The following SLFN12L variants were observed in gnomAD, a reference collection of about 807,000 sequenced individuals.
SLFN12L encodes schlafen family member 12 like, also known as schlafen family member 12-like.
SLFN12L carries 34 observed loss-of-function variants against 34.8 expected under a neutral mutation model. The ratio of observed to expected loss-of-function variants is 0.98; its 90% CI spans 0.74 to 1.30. The LOEUF (loss-of-function observed/expected upper bound fraction) is 1.30, where lower values mean the gene tolerates loss of function less well. Among genes scored for constraint, SLFN12L ranks in the 50% most tolerant of loss-of-function variants. SLFN12L has a pLI of 0.00. For synonymous variants in SLFN12L, 259 were observed against 247.5 expected, an observed-to-expected ratio of 1.05 and a Z score of -0.44; for missense variants, 703 against 696.2, an observed-to-expected ratio of 1.01 and a Z score of -0.11.
At chr17:35,481,504 C>T (rs1040417385) in intron 2 of SLFN12L, among the ~76,000 whole-genome samples, 20 of 152,234 alleles carry the variant, frequency 1.3e-4, no homozygotes, top group Admixed American at 2.6e-4. Context: ...TGGCATAAGC[C>T]GTGCTCTCTG....
chr17:35,495,944 C>CACA (rs1915052293), intron 2 of SLFN12L, among the ~76,000 whole-genome samples: 1 of 133,860 alleles, frequency 7.5e-6, no homozygotes, highest in Non-Finnish European at 1.6e-5. Context: ...CACACACACA[C>CACA]ACAACAAAAC....
chr17:35,504,313 T>C (rs1360653937), intron 2 of SLFN12L, among the ~76,000 whole-genome samples: 1 of 152,196 alleles, frequency 6.6e-6, no homozygotes, highest in African/African-American at 2.4e-5. Context: ...GTTGGTCCAA[T>C]GTTCTGTGGA....
Position 35,486,500 on chromosome 17 carries a change from G to A in SLFN12L, c.87-6305C>T, listed in dbSNP as rs544482867. Among the ~76,000 whole-genome samples the A allele has an allele frequency of 3.3e-5, 5 of 152,122 alleles. No individual in the cohort carries two copies. In the South Asian group the frequency reaches 8.3e-4, roughly 25 times the overall value. On this transcript the variant is annotated intron_variant, in intron 2 of 4. Transcript: ENST00000628453. ...CACTTGTGGACTAGCCTGGGATCCT[G>A]GCCACCCGAGTCCAACACCTGCAGC...
At position 35,490,215 on chromosome 17, in the gene SLFN12L, C is replaced by T; in HGVS notation, c.87-10020G>A. 3 of 1,581,994 alleles carry T rather than the reference C, an allele frequency of 1.9e-6. No homozygotes were observed. In the Admixed American group the frequency reaches 5.0e-5, roughly 27 times the overall value. On this transcript the variant is annotated intron_variant, in intron 2 of 4. Transcript: ENST00000628453. The stretch of plus-strand genomic sequence containing the variant: ...GGACGAGGCGGCAGTGGCCCTCTGG[C>T]AAAGTGAAGTCTGGAGCTAGGAGAA...
chr17:35,518,469 T>C (rs1458676399), intron 2 of SLFN12L, among the ~76,000 whole-genome samples: 1 of 151,290 alleles, frequency 6.6e-6, no homozygotes, highest in Non-Finnish European at 1.5e-5. Flanking sequence ...GAGAATTGCT[T>C]GAAGCCAGGA....
chr17:35,480,731 C>T (rs898008312), intron 2 of SLFN12L, among the ~76,000 whole-genome samples: 2 of 152,060 alleles, frequency 1.3e-5, no homozygotes, highest in East Asian at 3.9e-4. Context: ...GAATTAGATT[C>T]ACAAATTTTG....
rs758458386 is a variant in SLFN12L, at chr17:35,522,419, T to C, written c.-55A>G. The C allele has an allele frequency of 1.3e-4, 216 of 1,614,134 alleles. 1 individual carries two copies. The Middle Eastern group carries it at 2.8e-3, about 21-fold the overall frequency. On this transcript the variant is annotated 5_prime_UTR_variant, in exon 2 of 5. Coordinates refer to ENST00000628453, the MANE Select transcript of SLFN12L (RefSeq NM_001363830.2). ...AGCCAGGTAAGCCATGGACAAACAA[T>C]TCTCTGTTCTTGTGGAAGCTTCTGG...
chr17:35,496,225 T>C (rs955499606), intron 2 of SLFN12L, among the ~76,000 whole-genome samples: 23 of 152,010 alleles, frequency 1.5e-4, no homozygotes, highest in Non-Finnish European at 2.2e-4. Flanking sequence ...GGCTCACGCC[T>C]GTAATCCCGA....
At position 35,480,198 on chromosome 17, in the gene SLFN12L, G is replaced by C. The variant is rs780128450; in HGVS notation, c.87-3C>G. ...CATTTCCACGCAGAAATTCTTTTCT[G>C]TAAAATAGAGCCGTTAGAATAGGAG... is the stretch of plus-strand genomic sequence containing the variant. On this transcript the variant is annotated splice_polypyrimidine_tract_variant and splice_region_variant and intron_variant, in intron 2 of 4. Coordinates refer to ENST00000628453, the MANE Select transcript of SLFN12L (RefSeq NM_001363830.2). The C allele has an allele frequency of 1.3e-6, 2 of 1,563,168 alleles. No individual in the cohort carries two copies. Among genetic ancestry groups the C allele is most frequent in the Admixed American group, 3.9e-5 (2 of 50,914 alleles).
rs377116767 is a variant in SLFN12L at position 35,479,317 on chromosome 17, T to A, written c.965A>T (p.Lys322Met). 5.4e-5 allele frequency: 86 copies of A among 1,585,752 alleles called. No homozygotes were observed. Among genetic ancestry groups the A allele is most frequent in the Non-Finnish European group, 6.9e-5 (80 of 1,164,398 alleles). Residue 322 changes from lysine (K) to methionine (M), a missense_variant, in exon 3 of 5, where the codon AAG becomes ATG. By Grantham distance (95) the Lys-to-Met change is moderately conservative. Coordinates refer to ENST00000628453, the MANE Select transcript of SLFN12L (RefSeq NM_001363830.2). ...TTTGCATAAGTAATTTATCGTCCCC[T>A]TCTCCACACAGAAGTGATGCACAGG... is the stretch of plus-strand genomic sequence containing the variant. Reference protein sequence around the residue: ...KLPVHHFCVEKGTINYLCKFL... With the variant: ...KLPVHHFCVEMGTINYLCKFL...
rs776423797 is a variant in SLFN12L, at chr17:35,478,073, A to G, written c.1276+2T>C. 39 of 1,520,050 alleles carry G rather than the reference A, an allele frequency of 2.6e-5. No homozygotes were observed. The Admixed American group carries it at 2.6e-4, about 10-fold the overall frequency. 94.2% of individuals were successfully genotyped at this position (1,520,050 alleles called of 1,614,324 possible). On this transcript the variant is annotated splice_donor_variant, in intron 4 of 4. Transcript: ENST00000628453. LOFTEE classifies it high-confidence loss of function. ...ACTCCACGGAAGCCAGAATTAAATT[A>G]CCTGGAAGGTGATATCTCAGTGGCT...
chr17:35,487,831 G>T, intron 2 of SLFN12L: 1 of 1,398,076 alleles, frequency 7.2e-7, no homozygotes. Flanking sequence ...TCGCTCAGCT[G>T]CATTTCTATC....
intron 2 of SLFN12L, chr17:35,514,827 G>A (rs1915762644): frequency 2.5e-6 from 1 of 396,892 alleles, no homozygotes; most frequent in South Asian, 2.0e-5. Context: ...ACTGGTAGGG[G>A]CTTTGTCAGA....
Position 35,471,477 on chromosome 17 carries a change from G to A in SLFN12L, c.*3446C>T, listed in dbSNP as rs1015710433. ...AGTAGAATGATTTACATTCCTTTGG[G>A]TATATACCCAGTAATGGGATTCCTG... On this transcript the variant is annotated 3_prime_UTR_variant, in exon 5 of 5. Coordinates refer to ENST00000628453, the MANE Select transcript of SLFN12L (RefSeq NM_001363830.2). Among the ~76,000 whole-genome samples the A allele has an allele frequency of 6.6e-6, 1 of 152,130 alleles. No homozygotes were observed. The highest frequency in any genetic ancestry group is 2.4e-5 in the African/African-American group (1 of 41,410).
At chr17:35,527,566 G>C (rs976430311) in intron 1 of SLFN12L, among the ~76,000 whole-genome samples, 1 of 152,110 alleles carries the variant, frequency 6.6e-6, no homozygotes, top group African/African-American at 2.4e-5. Context: ...ATCAATAAAC[G>C]TAATCCATCA....
chr17:35,464,896 A>G lies in SLFN12L; in HGVS notation c.*10027T>C, dbSNP rs1913697478. The stretch of plus-strand genomic sequence containing the variant: ...TCTGTTTTTTGCTTTTTTTAGAGAG[A>G]GATAAAGTCTTGCTCTGTCACCCAG... On this transcript the variant is annotated 3_prime_UTR_variant, in exon 5 of 5. Transcript: ENST00000628453. Among the ~76,000 whole-genome samples, 1 of 152,040 alleles carries G rather than the reference A, an allele frequency of 6.6e-6. No homozygotes were observed. Among genetic ancestry groups the G allele is most frequent in the Non-Finnish European group, 1.5e-5 (1 of 68,016 alleles).
At chr17:35,528,630 G>A (rs981942445) in intron 1 of SLFN12L, among the ~76,000 whole-genome samples, 1 of 152,148 alleles carries the variant, frequency 6.6e-6, no homozygotes, top group African/African-American at 2.4e-5. Flanking sequence ...TGGGAAAACT[G>A]GCTAGCCACA....
intron 2 of SLFN12L, among the ~76,000 whole-genome samples, chr17:35,496,010 G>C (rs576128077): frequency 4.6e-4 from 70 of 151,734 alleles, no homozygotes; most frequent in African/African-American, 1.7e-3. Context: ...TCCCCACCAG[G>C]AAACCGAGAC....
In SLFN12L at chr17:35,465,297, A is replaced by G. The variant is rs962382321; in HGVS notation, c.*9626T>C. On this transcript the variant is annotated 3_prime_UTR_variant, in exon 5 of 5. Transcript: ENST00000628453. Reference sequence around the variant, plus strand: ...GCCTGAGGTTCCAACAAATTTAAACATTGTACCCCATATAATTTTAAAAGG... The same window carrying G: ...GCCTGAGGTTCCAACAAATTTAAACGTTGTACCCCATATAATTTTAAAAGG... 6.6e-6 allele frequency among the ~76,000 whole-genome samples: 1 copy of G among 152,172 alleles called. No homozygotes were observed. The highest frequency in any genetic ancestry group is 2.4e-5 in the African/African-American group (1 of 41,426).
Sources: gnomAD v4.1 joint callset for allele counts (sites outside exome capture counted in the v4.1 genomes callset) on GRCh38, gnomAD v4.1.1 for gene constraint, MANE v1.5 for transcripts, NCBI Gene and HGNC (gene_info 2026-07-23, HGNC 2026-07-21) for gene names.